The following KIAA1217 variants were observed in gnomAD, a reference collection of about 807,000 sequenced individuals.
KIAA1217 encodes the protein KIAA1217, also known as sickle tail protein homolog.
A neutral mutation model predicts 163.9 loss-of-function variants in KIAA1217; 88 were observed. The observed-to-expected ratio is 0.54, with a 90% CI of 0.45 to 0.64. The LOEUF (loss-of-function observed/expected upper bound fraction) is 0.64, where lower values mean the gene tolerates loss of function less well. Among genes scored for constraint, KIAA1217 ranks in the 30% least tolerant of loss-of-function variants. The pLI, the probability that KIAA1217 is intolerant of heterozygous loss-of-function variation, is 0.00. For missense variants in KIAA1217, 2,372 were observed against 2,475.0 expected (o/e 0.96, Z 0.88); for synonymous variants, 903 against 923.1 (o/e 0.98, Z 0.39).
intron 1 of KIAA1217, among the ~76,000 whole-genome samples, chr10:23,997,879 A>G (rs1010051621): frequency 1.3e-5 from 2 of 151,992 alleles, no homozygotes; most frequent in South Asian, 2.1e-4. Flanking sequence ...GGAGGTTGGA[A>G]GAAGGGCACA....
intron 5 of KIAA1217, among the ~76,000 whole-genome samples, chr10:24,453,296 T>C (rs947113906): frequency 2.0e-5 from 3 of 152,230 alleles, no homozygotes; most frequent in Non-Finnish European, 4.4e-5. Context: ...AGCCATCTTT[T>C]GTGGTACCTG....
chr10:24,429,114 T>G (rs542254990), intron 3 of KIAA1217, among the ~76,000 whole-genome samples: 2 of 152,310 alleles, frequency 1.3e-5, no homozygotes, highest in African/African-American at 4.8e-5. Context: ...GGTATAGACC[T>G]AGATTGAAAA....
At chr10:23,815,304 T>C (rs1837263661) in intron 1 of KIAA1217, among the ~76,000 whole-genome samples, 1 of 152,192 alleles carries the variant, frequency 6.6e-6, no homozygotes, top group Non-Finnish European at 1.5e-5. Flanking sequence ...TGACATCATT[T>C]AAAACAAAAG....
At chr10:23,974,013 AT>A in intron 1 of KIAA1217, among the ~76,000 whole-genome samples, 1 of 152,360 alleles carries the variant, frequency 6.6e-6, no homozygotes, top group South Asian at 2.1e-4. Context: ...CTGCTTTGGA[AT>A]ACAATTTGGG....
chr10:24,274,332 A>C (rs951526799), intron 2 of KIAA1217, among the ~76,000 whole-genome samples: 1 of 151,616 alleles, frequency 6.6e-6, no homozygotes, highest in African/African-American at 2.4e-5. Flanking sequence ...CTACTGGTGC[A>C]TGCCACCAAG....
intron 1 of KIAA1217, among the ~76,000 whole-genome samples, chr10:23,885,023 C>G (rs916092010): frequency 5.3e-5 from 8 of 151,930 alleles, no homozygotes; most frequent in African/African-American, 1.7e-4. Flanking sequence ...ACTCTTCTCT[C>G]CTGATAGTTT....
intron 6 of KIAA1217, among the ~76,000 whole-genome samples, chr10:24,488,797 C>G (rs1027539489): frequency 6.6e-6 from 1 of 152,142 alleles, no homozygotes; most frequent in Non-Finnish European, 1.5e-5. Flanking sequence ...CGCTTTAAAC[C>G]TGTTCACTAT....
intron 2 of KIAA1217, among the ~76,000 whole-genome samples, chr10:24,065,695 C>T (rs1452747058): frequency 6.6e-6 from 1 of 152,102 alleles, no homozygotes; most frequent in African/African-American, 2.4e-5. Flanking sequence ...CCTGGATACC[C>T]TTGTTAACTT....
At position 23,766,651 on chromosome 10, in the gene KIAA1217, C is replaced by T. The variant is rs181836347; in HGVS notation, c.-321+71417C>T. On this transcript the variant is annotated intron_variant, in intron 1 of 18. Coordinates refer to the KIAA1217 transcript ENST00000376462. ...TGACTCAGGCTGGAGTGCAATGGCACAATCTTGGCTCACTGCAATCTCTGC... is the reference window on the plus strand; with the variant it reads ...TGACTCAGGCTGGAGTGCAATGGCATAATCTTGGCTCACTGCAATCTCTGC... Among the ~76,000 whole-genome samples the T allele has an allele frequency of 3.9e-3, 573 of 147,406 alleles. 10 individuals carry two copies. Among genetic ancestry groups the T allele is most frequent in the African/African-American group, 0.014 (528 of 39,002 alleles).
At chr10:24,008,608 C>T (rs970488286) in intron 2 of KIAA1217, among the ~76,000 whole-genome samples, 1 of 152,068 alleles carries the variant, frequency 6.6e-6, no homozygotes, top group Admixed American at 6.6e-5. Context: ...GTGCCAGAAG[C>T]CAAGCAAGCT....
chr10:23,849,875 A>G (rs1839221978), intron 1 of KIAA1217, among the ~76,000 whole-genome samples: 1 of 151,978 alleles, frequency 6.6e-6, no homozygotes. Flanking sequence ...CTGTCCTTCT[A>G]AGAGTTTTCT....
intron 6 of KIAA1217, among the ~76,000 whole-genome samples, chr10:24,491,340 A>T (rs1267251352): frequency 1.7e-4 from 21 of 121,978 alleles, no homozygotes; most frequent in African/African-American, 6.9e-4. Context: ...CCCAGGCTGG[A>T]GTGCAGTGGT....
rs752159383 is a variant in KIAA1217, at chr10:24,533,278, G to A, written c.3414+41G>A. On this transcript the variant is annotated intron_variant, in intron 16 of 20. Transcript: ENST00000376454. ...GACTGACATTGGCTCCTTGCCTCCC[G>A]CCTGGGTCTCTCCAGCCATGGCACT... The A allele has an allele frequency of 2.1e-5, 33 of 1,564,646 alleles. No individual in the cohort carries two copies. The Admixed American group carries it at 2.6e-4, about 13-fold the overall frequency.
At chr10:24,085,582 A>G (rs73604448) in intron 2 of KIAA1217, among the ~76,000 whole-genome samples, 18,675 of 152,034 alleles carry the variant, frequency 0.12, 3,096 homozygotes, top group African/African-American at 0.38. Context: ...GTGCCCAGGA[A>G]TAGCCTGGAA....
At chr10:24,513,219 C>G (rs1272824744) in intron 9 of KIAA1217, 40 bp from the exon 10 acceptor site, 1 of 1,597,472 alleles carries the variant, frequency 6.3e-7, no homozygotes, top group Admixed American at 1.7e-5. Flanking sequence ...CCATTTCAGG[C>G]AGGCAGAGCC....
intron 1 of KIAA1217, among the ~76,000 whole-genome samples, chr10:23,761,110 A>G (rs7070795): frequency 0.044 from 6,717 of 152,128 alleles, 498 homozygotes; most frequent in African/African-American, 0.15. Flanking sequence ...AATGAAAACT[A>G]AAAAAATTAG....
intron 2 of KIAA1217, among the ~76,000 whole-genome samples, chr10:24,096,696 T>G (rs1031289230): frequency 2.0e-5 from 3 of 152,210 alleles, no homozygotes; most frequent in Non-Finnish European, 2.9e-5. Context: ...GTTCCTCACC[T>G]GCCCTTCAGT....
intron 2 of KIAA1217, among the ~76,000 whole-genome samples, chr10:24,036,517 A>G (rs1391694443): frequency 6.6e-6 from 1 of 152,192 alleles, no homozygotes; most frequent in African/African-American, 2.4e-5. Context: ...GAAACTGGGT[A>G]ATTTATAAAG....
rs781612276 is a variant in KIAA1217, at chr10:24,494,581, A to G, written c.1761A>G (p.Thr587=). The change falls in exon 7 of 21, where the codon ACA becomes ACG. Residue 587 remains threonine, a synonymous_variant. Transcript: ENST00000376454. The part of the protein sequence containing the change: ...VQSALFKGPI[T]SYSKDASSEK... The stretch of plus-strand genomic sequence containing the variant: ...CTGCGCTTTTTAAAGGGCCCATTAC[A>G]AGTTATAGCAAAGATGCGTCTAGGT... 2 of 1,612,492 alleles carry G rather than the reference A, an allele frequency of 1.2e-6. No homozygotes were observed. The highest frequency in any genetic ancestry group is 1.7e-6 in the Non-Finnish European group (2 of 1,179,048).
Sources: gnomAD v4.1 joint callset for allele counts (sites outside exome capture counted in the v4.1 genomes callset) on GRCh38, gnomAD v4.1.1 for gene constraint, MANE v1.5 for transcripts, NCBI Gene and HGNC (gene_info 2026-07-23, HGNC 2026-07-21) for gene names.